CACNA2D3: variants seen among roughly 807,000 people sequenced by gnomAD.
CACNA2D3 encodes the protein voltage-dependent calcium channel subunit alpha-2/delta-3.
In CACNA2D3, 60 loss-of-function variants were observed where a neutral mutation model predicts 160.6. The observed-to-expected ratio is 0.37, with a 90% confidence interval of 0.30 to 0.46. The LOEUF is 0.46. CACNA2D3 is among the 20% of genes least tolerant of loss of function. CACNA2D3 has a pLI of 1.00. For synonymous variants in CACNA2D3, 558 were observed against 492.9 expected, an observed-to-expected ratio of 1.13 and a Z score of -1.75; for missense variants, 1,205 against 1,365.0, an observed-to-expected ratio of 0.88 and a Z score of 1.85.
At chr3:54,298,451 T>C (rs1402712677) in intron 2 of CACNA2D3, among the ~76,000 whole-genome samples, 1 of 152,214 alleles carries the variant, frequency 6.6e-6, no homozygotes, top group African/African-American at 2.4e-5. Flanking sequence ...ACGAGAGTTA[T>C]TAGTACTTTG....
chr3:54,990,841 C>T (rs533061705), intron 31 of CACNA2D3, among the ~76,000 whole-genome samples: 22 of 152,272 alleles, frequency 1.4e-4, no homozygotes, highest in African/African-American at 5.3e-4. Flanking sequence ...AGAAGGAAAA[C>T]CACTGATTTA....
At chr3:54,549,635 A>T (rs1006061675) in intron 5 of CACNA2D3, among the ~76,000 whole-genome samples, 1 of 152,128 alleles carries the variant, frequency 6.6e-6, no homozygotes, top group East Asian at 1.9e-4. Context: ...TGCTGCCCAC[A>T]TGCCCCCAGC....
intron 8 of CACNA2D3, 85 bp from the exon 9 acceptor site, chr3:54,581,717 GT>G: frequency 9.3e-7 from 1 of 1,070,540 alleles, no homozygotes; most frequent in Non-Finnish European, 1.4e-6. Context: ...CCGCTTTTTT[GT>G]TTGTGTGCGT....
intron 35 of CACNA2D3, among the ~76,000 whole-genome samples, chr3:55,068,098 T>C (rs1159110980): frequency 1.3e-5 from 2 of 152,182 alleles, no homozygotes; most frequent in African/African-American, 4.8e-5. Context: ...AGGACCACAC[T>C]TGAGGGTCCT....
At chr3:54,148,306 A>T (rs1368252128) in intron 2 of CACNA2D3, among the ~76,000 whole-genome samples, 1 of 152,224 alleles carries the variant, frequency 6.6e-6, no homozygotes, top group South Asian at 2.1e-4. Context: ...CAGACTTCAG[A>T]ATGGTCAGAA....
chr3:54,243,115 C>T (rs919607465), intron 2 of CACNA2D3, among the ~76,000 whole-genome samples: 3 of 152,190 alleles, frequency 2.0e-5, no homozygotes, highest in African/African-American at 7.2e-5. Flanking sequence ...GATTCCAGAT[C>T]TCCTCCAAGA....
chr3:54,407,312 A>C (rs964881681), intron 4 of CACNA2D3, among the ~76,000 whole-genome samples: 14 of 152,234 alleles, frequency 9.2e-5, no homozygotes, highest in African/African-American at 3.4e-4. Flanking sequence ...CTGTAGGAGA[A>C]ATAAATGAAA....
In CACNA2D3 at chr3:54,868,921, AT is replaced by A. The variant is rs556483964; in HGVS notation, c.1627-2614del. ...TACTGTGCCTGGGAATGTGTTTGCC[AT>A]TTTACATACAATATTTCATTTAATA... is the stretch of plus-strand genomic sequence containing the variant. On this transcript the variant is annotated intron_variant, in intron 17 of 37. Coordinates refer to ENST00000474759, the MANE Select transcript of CACNA2D3 (RefSeq NM_018398.3). 3.4e-3 allele frequency among the ~76,000 whole-genome samples: 515 copies of A among 152,302 alleles called. 3 individuals carry two copies. Among genetic ancestry groups the A allele is most frequent in the African/African-American group, 0.012 (485 of 41,558 alleles).
At chr3:54,441,100 C>G (rs1700137695) in intron 4 of CACNA2D3, among the ~76,000 whole-genome samples, 2 of 152,110 alleles carry the variant, frequency 1.3e-5, no homozygotes, top group South Asian at 2.1e-4. Flanking sequence ...TACAGTCCCA[C>G]CAACAGTGTA....
rs139259046 is a variant in CACNA2D3 at position 54,619,538 on chromosome 3, C to T, written c.964-8249C>T. ...ACTGGCATTAAACAGCTGCTACCTTCAGACACATCAATTTGTTACACACAC... is the reference window on the plus strand; with the variant it reads ...ACTGGCATTAAACAGCTGCTACCTTTAGACACATCAATTTGTTACACACAC... On this transcript the variant is annotated intron_variant, in intron 9 of 37. Coordinates refer to ENST00000474759, the MANE Select transcript of CACNA2D3 (RefSeq NM_018398.3). Among the ~76,000 whole-genome samples, 5 of 152,346 alleles carry T rather than the reference C, an allele frequency of 3.3e-5. No homozygotes were observed. In the East Asian group the frequency reaches 5.8e-4, roughly 18 times the overall value.
intron 35 of CACNA2D3, among the ~76,000 whole-genome samples, chr3:55,063,403 A>G (rs1248096334): frequency 6.6e-6 from 1 of 151,856 alleles, no homozygotes; most frequent in African/African-American, 2.4e-5. Context: ...AAAAAAAAAA[A>G]GATGCCTTGG....
chr3:54,390,361 A>G (rs1305409635), intron 4 of CACNA2D3, among the ~76,000 whole-genome samples: 1 of 152,210 alleles, frequency 6.6e-6, no homozygotes, highest in African/African-American at 2.4e-5. Context: ...TGAATGCAGC[A>G]TTGGCATCTC....
chr3:54,604,624 C>G (rs537920051), intron 9 of CACNA2D3, among the ~76,000 whole-genome samples: 31 of 152,232 alleles, frequency 2.0e-4, no homozygotes, highest in Admixed American at 3.9e-4. Flanking sequence ...TCACCTGTGC[C>G]TTCAAGAGAG....
At chr3:54,865,514 A>G (rs891179732) in intron 17 of CACNA2D3, among the ~76,000 whole-genome samples, 6 of 152,230 alleles carry the variant, frequency 3.9e-5, no homozygotes, top group African/African-American at 4.8e-5. Context: ...TGTTGCAACC[A>G]GAGGCCTTGA....
chr3:54,529,838 A>G (rs1344276529), intron 5 of CACNA2D3, among the ~76,000 whole-genome samples: 1 of 152,030 alleles, frequency 6.6e-6, no homozygotes, highest in Non-Finnish European at 1.5e-5. Context: ...TTTACTTTGG[A>G]TATTTTAGAT....
At chr3:54,288,954 G>A (rs1703110141) in intron 2 of CACNA2D3, among the ~76,000 whole-genome samples, 1 of 152,074 alleles carries the variant, frequency 6.6e-6, no homozygotes, top group African/African-American at 2.4e-5. Context: ...CAAACCCACA[G>A]CCAATATCAT....
At chr3:54,601,035 A>G (rs1056914383) in intron 9 of CACNA2D3, among the ~76,000 whole-genome samples, 9 of 152,180 alleles carry the variant, frequency 5.9e-5, no homozygotes, top group African/African-American at 2.2e-4. Context: ...AACCAAGACC[A>G]CAGTCTTGCC....
chr3:54,138,483 C>A (rs79701749), intron 2 of CACNA2D3, among the ~76,000 whole-genome samples: 1 of 152,190 alleles, frequency 6.6e-6, no homozygotes, highest in Non-Finnish European at 1.5e-5. Flanking sequence ...GTGCCTGCCT[C>A]CTCCTTAAAG....
At chr3:54,720,480 T>C (rs1191486248) in intron 11 of CACNA2D3, among the ~76,000 whole-genome samples, 1 of 152,118 alleles carries the variant, frequency 6.6e-6, no homozygotes, top group African/African-American at 2.4e-5. Flanking sequence ...ATGTCCATCC[T>C]TTCAAATACA....
Sources: allele counts gnomAD v4.1 joint callset (sites outside exome capture counted in the v4.1 genomes callset), GRCh38; gene constraint gnomAD v4.1.1; transcripts MANE v1.5; gene names NCBI Gene and HGNC (gene_info 2026-07-23, HGNC 2026-07-21).